The following RERE variants were observed in gnomAD, a reference collection of about 807,000 sequenced individuals.
RERE encodes the protein arginine-glutamic acid dipeptide repeats protein.
RERE carries 40 observed loss-of-function variants against 146.1 expected under a neutral mutation model. That is an observed-to-expected ratio of 0.27 (90% confidence interval 0.21 to 0.36). RERE has a LOEUF of 0.36. Among genes scored for constraint, RERE ranks in the 10% least tolerant of loss-of-function variants. RERE has a pLI of 1.00. For missense variants in RERE, 1,933 were observed against 2,138.7 expected (o/e 0.90, Z 1.90); for synonymous variants, 1,003 against 866.0 (o/e 1.16, Z -2.78).
intron 11 of RERE, among the ~76,000 whole-genome samples, chr1:8,445,961 G>A (rs965406690): frequency 7.9e-5 from 12 of 151,946 alleles, no homozygotes; most frequent in Non-Finnish European, 1.2e-4. Flanking sequence ...TCACAGTGTC[G>A]ACGGTCTTTA....
chr1:8,420,537 G>A (rs1286170663), intron 12 of RERE, among the ~76,000 whole-genome samples: 1 of 152,188 alleles, frequency 6.6e-6, no homozygotes, highest in Non-Finnish European at 1.5e-5. Flanking sequence ...AACACAAGAT[G>A]AGTGCCTCTC....
intron 1 of RERE, among the ~76,000 whole-genome samples, chr1:8,805,010 T>G (rs1457967485): frequency 7.6e-6 from 1 of 131,312 alleles, no homozygotes; most frequent in South Asian, 2.4e-4. Flanking sequence ...TGTTTTTGGT[T>G]TTTTTTTTTT....
intron 11 of RERE, among the ~76,000 whole-genome samples, chr1:8,455,808 C>T (rs945985181): frequency 1.3e-5 from 2 of 152,298 alleles, no homozygotes; most frequent in African/African-American, 4.8e-5. Flanking sequence ...TGTGTGGAGG[C>T]ACCTAAATGA....
At chr1:8,434,499 G>A (rs1186656850) in intron 11 of RERE, 1 of 152,146 alleles carries the variant, frequency 6.6e-6, no homozygotes, top group Non-Finnish European at 1.5e-5. Flanking sequence ...ATTTTCTAGA[G>A]GTGGCCACTC....
At chr1:8,401,069 A>ATATATATATATATATATATATGTATG in intron 12 of RERE, among the ~76,000 whole-genome samples, 1 of 85,144 alleles carries the variant, frequency 1.2e-5, no homozygotes, top group Non-Finnish European at 2.5e-5. Flanking sequence ...ATATATATAT[A>ATATATATATATATATATATATGTATG]TATGTCACTT....
intron 1 of RERE, among the ~76,000 whole-genome samples, chr1:8,741,298 C>G (rs546720969): frequency 1.1e-4 from 16 of 152,314 alleles, no homozygotes; most frequent in African/African-American, 3.8e-4. Flanking sequence ...TTCTTCATCA[C>G]TGAATCCCAA....
rs58933208 is a variant in RERE at position 8,617,343 on chromosome 1, C to CAA, written c.397-2659_397-2658dup. On this transcript the variant is annotated intron_variant, in intron 3 of 22. Coordinates refer to ENST00000400908, the MANE Select transcript of RERE (RefSeq NM_001042681.2). ...GGGTGACAAGAGTGAAACTCTGTCT[C>CAA]AAAAAAAAAAAAAAGAATTCCATCC... 1.2e-3 allele frequency among the ~76,000 whole-genome samples: 97 copies of CAA among 80,434 alleles called. 4 individuals carry two copies. The highest frequency in any genetic ancestry group is 0.013 in the Middle Eastern group (2 of 154). The allele number at this position is 80,434 out of a possible 152,430, so 52.8% of individuals were successfully genotyped here.
chr1:8,660,773 T>C (rs540509225), intron 1 of RERE, among the ~76,000 whole-genome samples: 4 of 152,132 alleles, frequency 2.6e-5, no homozygotes, highest in African/African-American at 7.2e-5. Flanking sequence ...ACATTGAAAA[T>C]ATCTGTGTCA....
Position 8,573,666 on chromosome 1 carries a change from T to A in RERE, c.523-16143A>T, listed in dbSNP as rs1019749667. 3.9e-5 allele frequency among the ~76,000 whole-genome samples: 6 copies of A among 152,220 alleles called. No homozygotes were observed. In the East Asian group the frequency reaches 1.2e-3, roughly 29 times the overall value. ...TTCAAATTATTTCGATTACTCTGAA[T>A]GTTTGGTATCACAGCTAAGTGTTCA... On this transcript the variant is annotated intron_variant, in intron 4 of 22. Transcript: ENST00000400908.
chr1:8,562,954 G>C (rs1322652516), intron 4 of RERE, among the ~76,000 whole-genome samples: 2 of 152,126 alleles, frequency 1.3e-5, no homozygotes, highest in African/African-American at 2.4e-5. Flanking sequence ...ACAGACAATA[G>C]TCTGTTGAGA....
intron 12 of RERE, among the ~76,000 whole-genome samples, chr1:8,380,028 C>G (rs189126990): frequency 6.6e-6 from 1 of 152,318 alleles, no homozygotes; most frequent in East Asian, 1.9e-4. Context: ...ACCTCAGTCA[C>G]CCCACTCCAA....
chr1:8,540,921 AATACAG>A (rs1645792854), intron 7 of RERE, among the ~76,000 whole-genome samples: 1 of 152,198 alleles, frequency 6.6e-6, no homozygotes. Flanking sequence ...CTTAATTCAA[AATACAG>A]ATAAACTAAA....
At chr1:8,477,492 T>C (rs754158114) in intron 10 of RERE, among the ~76,000 whole-genome samples, 129 of 152,338 alleles carry the variant, frequency 8.5e-4, no homozygotes, top group South Asian at 1.9e-3. Flanking sequence ...GGCATCCTCA[T>C]AGCCTTGAAA....
chr1:8,364,694 TG>T lies in RERE; in HGVS notation c.1540+51del, dbSNP rs1641729385. ...CTGGATGCATGAAATGTTCAGAACA[TG>T]GAAGTGCTTGTGCCCCCGCCCCGCC... On this transcript the variant is annotated intron_variant, in intron 14 of 22. Transcript: ENST00000400908. This position sits in a 1 kb window ranked among gnomAD's most constrained non-coding sequence, Gnocchi z 5.1. 1 of 1,299,104 alleles carries T rather than the reference TG, an allele frequency of 7.7e-7. No homozygotes were observed. Among genetic ancestry groups the T allele is most frequent in the Non-Finnish European group, 1.1e-6 (1 of 894,180 alleles). The allele number at this position is 1,299,104 out of a possible 1,614,324, so 80.5% of individuals were successfully genotyped here. A position where few individuals can be genotyped will look rare whatever the true frequency, so the allele number is the denominator to read the frequency against.
At chr1:8,774,347 ATT>A (rs34859762) in intron 1 of RERE, among the ~76,000 whole-genome samples, 9 of 93,176 alleles carry the variant, frequency 9.7e-5, no homozygotes, top group Middle Eastern at 7.2e-3. Context: ...TTGGCAAACT[ATT>A]TTTTTTTTTT....
At chr1:8,496,150 T>TAAAAAAAAAAA (rs36115213) in intron 9 of RERE, among the ~76,000 whole-genome samples, 3 of 118,430 alleles carry the variant, frequency 2.5e-5, no homozygotes, top group African/African-American at 1.0e-4. Flanking sequence ...GACCCTGTCT[T>TAAAAAAAAAAA]AAAAAAAAAA....
chr1:8,689,939 C>T (rs1319856987), intron 1 of RERE, among the ~76,000 whole-genome samples: 2 of 152,164 alleles, frequency 1.3e-5, no homozygotes, highest in Non-Finnish European at 2.9e-5. Flanking sequence ...AAGGATGGAA[C>T]TAGAGGCCAG....
chr1:8,578,314 G>T (rs1646321922), intron 4 of RERE, among the ~76,000 whole-genome samples: 2 of 152,230 alleles, frequency 1.3e-5, no homozygotes, highest in Non-Finnish European at 2.9e-5. Context: ...CTTACACAAA[G>T]CCTATTAGCA....
intron 12 of RERE, among the ~76,000 whole-genome samples, chr1:8,368,095 G>T (rs1238405593): frequency 6.6e-6 from 1 of 152,216 alleles, no homozygotes; most frequent in African/African-American, 2.4e-5. Flanking sequence ...TCCAGAGCTT[G>T]AAAGAAGAAT....
Sources: allele counts gnomAD v4.1 joint callset (sites outside exome capture counted in the v4.1 genomes callset), GRCh38; gene constraint gnomAD v4.1.1; non-coding constraint Gnocchi (gnomAD v3.1); transcripts MANE v1.5; gene names NCBI Gene and HGNC (gene_info 2026-07-23, HGNC 2026-07-21).